The following JAK1 variants were observed in gnomAD, a reference collection of about 807,000 sequenced individuals.
The protein encoded by JAK1 is Janus kinase 1.
JAK1 carries 16 observed loss-of-function variants against 136.6 expected under a neutral mutation model. That is an observed-to-expected ratio of 0.12 (90% CI 0.08 to 0.18). The LOEUF (loss-of-function observed/expected upper bound fraction) is 0.18. Among genes scored for constraint, JAK1 ranks in the 10% least tolerant of loss-of-function variants. The pLI, the probability that JAK1 is intolerant of heterozygous loss-of-function variation, is 1.00. For synonymous variants in JAK1, 492 were observed against 519.5 expected (o/e 0.95, Z 0.72); for missense variants, 859 against 1,450.1 (o/e 0.59, Z 6.62).
intron 1 of JAK1, among the ~76,000 whole-genome samples, chr1:64,913,694 A>AGGAAGGAAGGAAGGAG: frequency 1.8e-4 from 6 of 33,298 alleles, no homozygotes; most frequent in African/African-American, 4.1e-4. Context: ...GAAGGAAGGA[A>AGGAAGGAAGGAAGGAG]GGAAGGAAAG....
intron 1 of JAK1, among the ~76,000 whole-genome samples, chr1:64,925,243 A>G (rs1258544884): frequency 1.3e-5 from 2 of 151,862 alleles, no homozygotes; most frequent in African/African-American, 2.4e-5. Flanking sequence ...CTAAAAAAAA[A>G]AAAAAATACA....
intron 1 of JAK1, among the ~76,000 whole-genome samples, chr1:65,049,432 C>T (rs184083406): frequency 0.036 from 5,448 of 152,080 alleles, 320 homozygotes; most frequent in East Asian, 0.28. Flanking sequence ...AAACAAACAA[C>T]AATGACAAAA....
chr1:65,065,308 T>C (rs934412025), intron 1 of JAK1, among the ~76,000 whole-genome samples: 5 of 152,286 alleles, frequency 3.3e-5, no homozygotes, highest in Admixed American at 2.0e-4. Flanking sequence ...CTTCCCTTTA[T>C]AGAATATCAG....
At chr1:64,865,513 G>A (rs901518868) in intron 7 of JAK1, among the ~76,000 whole-genome samples, 1 of 152,154 alleles carries the variant, frequency 6.6e-6, no homozygotes, top group African/African-American at 2.4e-5. Flanking sequence ...TGTCGCATGA[G>A]CCCTGGAGAC....
At chr1:64,890,582 C>T (rs1281483558) in intron 1 of JAK1, among the ~76,000 whole-genome samples, 1 of 152,168 alleles carries the variant, frequency 6.6e-6, no homozygotes, top group South Asian at 2.1e-4. Context: ...AGTTTGAGTC[C>T]AGCCTGGGCA....
At chr1:65,030,979 C>T (rs907134440) in intron 2 of JAK1, among the ~76,000 whole-genome samples, 4 of 151,880 alleles carry the variant, frequency 2.6e-5, no homozygotes, top group Non-Finnish European at 4.4e-5. Context: ...CACGGCAACA[C>T]CCCATCTCTA....
chr1:65,036,616 C>T (rs1647077268), intron 2 of JAK1, among the ~76,000 whole-genome samples: 1 of 152,206 alleles, frequency 6.6e-6, no homozygotes, highest in Non-Finnish European at 1.5e-5. Flanking sequence ...ACTTAGGCTA[C>T]TCCAATGAGC....
chr1:64,855,211 T>A (rs2101048388), intron 11 of JAK1, among the ~76,000 whole-genome samples: 1 of 152,350 alleles, frequency 6.6e-6, no homozygotes, highest in South Asian at 2.1e-4. Context: ...AGGAGACTCC[T>A]CAAGGCATTT....
intron 1 of JAK1, among the ~76,000 whole-genome samples, chr1:65,052,654 A>G (rs1195205709): frequency 6.6e-6 from 1 of 152,052 alleles, no homozygotes; most frequent in Non-Finnish European, 1.5e-5. Context: ...TCTACTAAAA[A>G]TACAAAAAAC....
chr1:64,922,124 T>C (rs1645504116), intron 1 of JAK1, among the ~76,000 whole-genome samples: 1 of 148,424 alleles, frequency 6.7e-6, no homozygotes, highest in Non-Finnish European at 1.5e-5. Flanking sequence ...GTGCTATTAG[T>C]TTCCTCATTT....
intron 2 of JAK1, among the ~76,000 whole-genome samples, chr1:65,018,682 A>G (rs1257394081): frequency 6.6e-6 from 1 of 152,220 alleles, no homozygotes; most frequent in African/African-American, 2.4e-5. Flanking sequence ...ATATTTTAAA[A>G]ACATGAACAT....
At chr1:64,860,008 G>T in intron 9 of JAK1, 97 bp downstream of exon 9, 1 of 1,064,050 alleles carries the variant, frequency 9.4e-7, no homozygotes, top group Non-Finnish European at 1.3e-6. Context: ...CAGGCAGCAT[G>T]GTCAACTGGC....
Position 64,860,123 on chromosome 1 carries a change from C to T in JAK1, c.1316G>A (p.Gly439Asp), listed in dbSNP as rs2101072135. Residue 439 changes from glycine (G) to aspartate (D), a missense_variant, in exon 9 of 25, where the codon GGC becomes GAC. Transcript: ENST00000342505. The stretch of plus-strand genomic sequence containing the variant: ...GACCAACCAGATTGGACCATGACAG[C>T]CATTCTGTATGTTGTGGACGATCAA... ...PPLIVHNIQN[G>D]CHGPICTEYA... The T allele has an allele frequency of 6.3e-7, 1 of 1,589,430 alleles. No homozygotes were observed.
At chr1:65,015,995 G>A (rs989879791) in intron 2 of JAK1, among the ~76,000 whole-genome samples, 6 of 152,116 alleles carry the variant, frequency 3.9e-5, no homozygotes, top group African/African-American at 1.4e-4. Context: ...TACATACAAT[G>A]GAATATTATT....
At chr1:65,066,256 A>G (rs537172899) in intron 1 of JAK1, among the ~76,000 whole-genome samples, 12 of 152,196 alleles carry the variant, frequency 7.9e-5, no homozygotes, top group Non-Finnish European at 4.4e-5. Context: ...AGCTGCGGCC[A>G]GGAGCCGGCG....
intron 1 of JAK1, among the ~76,000 whole-genome samples, chr1:64,954,383 C>T (rs1569714038): frequency 6.6e-6 from 1 of 152,292 alleles, no homozygotes; most frequent in African/African-American, 2.4e-5. Context: ...GTCTCATGCC[C>T]GTGCCCACTC....
intron 1 of JAK1, among the ~76,000 whole-genome samples, chr1:64,888,738 CAACAG>C (rs1644889779): frequency 6.6e-6 from 1 of 152,172 alleles, no homozygotes; most frequent in South Asian, 2.1e-4. Context: ...TTATTGAACA[CAACAG>C]TAAAATGGTA....
chr1:64,948,099 A>C (rs1279200640), intron 1 of JAK1, among the ~76,000 whole-genome samples: 1 of 152,212 alleles, frequency 6.6e-6, no homozygotes, highest in East Asian at 1.9e-4. Flanking sequence ...TCTGTGCCTT[A>C]TTTGAAGAAC....
At chr1:64,865,024 T>A in intron 7 of JAK1, 52 bp from the exon 8 acceptor site, 2 of 1,462,938 alleles carry the variant, frequency 1.4e-6, no homozygotes, top group Non-Finnish European at 1.9e-6. Flanking sequence ...TCATTTTCTA[T>A]TGGTAAAAGG....
Sources: gnomAD v4.1 joint callset for allele counts (sites outside exome capture counted in the v4.1 genomes callset) on GRCh38, gnomAD v4.1.1 for gene constraint, MANE v1.5 for transcripts, NCBI Gene and HGNC (gene_info 2026-07-23, HGNC 2026-07-21) for gene names.